Variants in SHTN1 observed in about 807,000 individuals in gnomAD.
The protein encoded by SHTN1 is shootin 1, also known as shootin-1.
Under a neutral mutation model 83.1 loss-of-function variants are expected in SHTN1, and 42 were observed. That is an observed-to-expected ratio of 0.51 (90% CI 0.39 to 0.65). SHTN1 has a LOEUF of 0.65. SHTN1 is among the 30% of genes least tolerant of loss of function. The pLI is 0.00. For missense variants in SHTN1, 622 were observed against 737.8 expected (o/e 0.84, Z 1.82); for synonymous variants, 224 against 247.7 (o/e 0.90, Z 0.90).
At chr10:116,976,292 T>G (rs1395655055) in intron 2 of SHTN1, among the ~76,000 whole-genome samples, 1 of 152,118 alleles carries the variant, frequency 6.6e-6, no homozygotes, top group East Asian at 1.9e-4. Flanking sequence ...ACCACTTGTC[T>G]CAACGCAAGA....
chr10:116,951,571 G>A (rs756359161), intron 6 of SHTN1, among the ~76,000 whole-genome samples: 6 of 152,186 alleles, frequency 3.9e-5, no homozygotes, highest in East Asian at 1.9e-4. Context: ...AGCAAAACAT[G>A]CTCTTCTTTC....
chr10:117,055,986 G>C (rs928004575), intron 1 of SHTN1, among the ~76,000 whole-genome samples: 1 of 152,134 alleles, frequency 6.6e-6, no homozygotes, highest in Non-Finnish European at 1.5e-5. Context: ...AAAATGGACC[G>C]ATTCCTCAAA....
chr10:116,982,335 G>A (rs182364060), intron 1 of SHTN1, among the ~76,000 whole-genome samples: 23 of 152,174 alleles, frequency 1.5e-4, no homozygotes, highest in Non-Finnish European at 1.0e-4. Flanking sequence ...TAAGGTATAA[G>A]GAAAGGAAAG....
chr10:117,003,881 CTTTATTA>C (rs1183643208), intron 1 of SHTN1, among the ~76,000 whole-genome samples: 1 of 151,934 alleles, frequency 6.6e-6, no homozygotes, highest in East Asian at 1.9e-4. Flanking sequence ...CCCTTTATTT[CTTTATTA>C]TTTATTATTA....
At chr10:117,092,002 C>A (rs1853436602) in intron 1 of SHTN1, among the ~76,000 whole-genome samples, 1 of 152,178 alleles carries the variant, frequency 6.6e-6, no homozygotes, top group Non-Finnish European at 1.5e-5. Flanking sequence ...TTAAAAACAA[C>A]CCTGGGAGAT....
chr10:117,021,298 G>T (rs1193517312), intron 2 of SHTN1, among the ~76,000 whole-genome samples: 1 of 152,028 alleles, frequency 6.6e-6, no homozygotes, highest in African/African-American at 2.4e-5. Context: ...TTTCCCTACT[G>T]GGGAGGCTGA....
At chr10:117,015,621 G>A (rs904684559) in intron 2 of SHTN1, among the ~76,000 whole-genome samples, 3 of 152,162 alleles carry the variant, frequency 2.0e-5, no homozygotes, top group Non-Finnish European at 4.4e-5. Flanking sequence ...GTGAGCCACC[G>A]TGCCCGGCCT....
intron 14 of SHTN1, among the ~76,000 whole-genome samples, chr10:116,907,488 G>C (rs1164862340): frequency 6.6e-6 from 1 of 152,166 alleles, no homozygotes; most frequent in East Asian, 1.9e-4. Flanking sequence ...CAAGAAGACA[G>C]AGGAAGATCC....
At chr10:117,077,028 C>G (rs916612241) in intron 1 of SHTN1, among the ~76,000 whole-genome samples, 4 of 152,030 alleles carry the variant, frequency 2.6e-5, no homozygotes, top group Non-Finnish European at 4.4e-5. Context: ...ATCTCAGTAC[C>G]TCTCATTTTA....
chr10:116,955,390 A>G (rs1374467353), intron 4 of SHTN1, among the ~76,000 whole-genome samples: 1 of 152,188 alleles, frequency 6.6e-6, no homozygotes, highest in Non-Finnish European at 1.5e-5. Context: ...TATTTTCCCT[A>G]CTATAAAATG....
At chr10:116,911,267 G>A (rs1848179838) in intron 14 of SHTN1, among the ~76,000 whole-genome samples, 1 of 152,014 alleles carries the variant, frequency 6.6e-6, no homozygotes, top group African/African-American at 2.4e-5. Flanking sequence ...CCAACTGTCA[G>A]AAAATAAAAC....
chr10:117,010,852 G>T (rs1022615324), intron 2 of SHTN1, among the ~76,000 whole-genome samples: 34 of 152,226 alleles, frequency 2.2e-4, no homozygotes, highest in African/African-American at 7.7e-4. Flanking sequence ...AGACAGAAAA[G>T]GCATTTGACA....
chr10:117,072,551 A>ATC (rs1853098131), intron 1 of SHTN1, among the ~76,000 whole-genome samples: 1 of 152,164 alleles, frequency 6.6e-6, no homozygotes, highest in South Asian at 2.1e-4. Flanking sequence ...CTGTGCAGAC[A>ATC]ACCCCCAGTA....
At chr10:116,927,368 A>G (rs1370146602) in intron 11 of SHTN1, among the ~76,000 whole-genome samples, 1 of 152,188 alleles carries the variant, frequency 6.6e-6, no homozygotes, top group African/African-American at 2.4e-5. Context: ...GAGACTCGGT[A>G]ATTATAAAGG....
At chr10:117,017,214 G>T (rs528812140) in intron 2 of SHTN1, among the ~76,000 whole-genome samples, 1 of 152,080 alleles carries the variant, frequency 6.6e-6, no homozygotes, top group Non-Finnish European at 1.5e-5. Context: ...TAACAAGGCC[G>T]GGCGCGGTGG....
At chr10:116,954,452 A>G (rs1238028539) in intron 4 of SHTN1, among the ~76,000 whole-genome samples, 1 of 152,238 alleles carries the variant, frequency 6.6e-6, no homozygotes, top group African/African-American at 2.4e-5. Flanking sequence ...GATGAGAAAT[A>G]TAAGGAACTA....
intron 1 of SHTN1, among the ~76,000 whole-genome samples, chr10:117,109,714 G>A (rs1468853232): frequency 1.3e-5 from 2 of 151,596 alleles, no homozygotes; most frequent in East Asian, 1.9e-4. Flanking sequence ...ATAGGAGTGC[G>A]CCATCATGCC....
chr10:116,890,327 T>C (rs958442890), intron 16 of SHTN1, among the ~76,000 whole-genome samples: 1 of 152,166 alleles, frequency 6.6e-6, no homozygotes, highest in Admixed American at 6.5e-5. Context: ...AAAACTAAAA[T>C]CATGGGATGC....
At chr10:117,017,364 G>A (rs1589897166) in intron 2 of SHTN1, among the ~76,000 whole-genome samples, 1 of 151,474 alleles carries the variant, frequency 6.6e-6, no homozygotes, top group Non-Finnish European at 1.5e-5. Context: ...AGTGGCGGGT[G>A]CCTGTAGTCC....
Sources: allele counts gnomAD v4.1 joint callset (sites outside exome capture counted in the v4.1 genomes callset), GRCh38; gene constraint gnomAD v4.1.1; transcripts MANE v1.5; gene names NCBI Gene and HGNC (gene_info 2026-07-23, HGNC 2026-07-21).